FBXO16: variants seen among roughly 807,000 people sequenced by gnomAD.
The protein encoded by FBXO16 is F-box protein 16, also known as F-box only protein 16.
Under a neutral mutation model 41.0 loss-of-function variants are expected in FBXO16, and 31 were observed. The ratio of observed to expected loss-of-function variants is 0.76; its 90% confidence interval spans 0.57 to 1.02. The LOEUF (loss-of-function observed/expected upper bound fraction) is 1.02, where lower values mean the gene tolerates loss of function less well. Ranked by LOEUF, FBXO16 falls within the 50% of genes least tolerant of loss-of-function variation. FBXO16 has a pLI of 0.00. For missense variants in FBXO16, 361 were observed against 346.2 expected, an observed-to-expected ratio of 1.04 and a Z score of -0.34; for synonymous variants, 133 against 117.8, an observed-to-expected ratio of 1.13 and a Z score of -0.84.
intron 3 of FBXO16, among the ~76,000 whole-genome samples, chr8:28,471,313 C>T (rs975614342): frequency 7.2e-5 from 11 of 152,114 alleles, no homozygotes; most frequent in Non-Finnish European, 1.6e-4. Context: ...GATTTCACTT[C>T]TAATACTAGA....
At chr8:28,463,928 T>C (rs113773084) in intron 3 of FBXO16, 110 bp from the exon 4 acceptor site, 3 of 1,017,922 alleles carry the variant, frequency 2.9e-6, no homozygotes, top group African/African-American at 3.2e-5. Flanking sequence ...TAGTAATTTA[T>C]TTCTAGTATT....
At chr8:28,447,564 G>C in intron 6 of FBXO16, 1 of 346,698 alleles carries the variant, frequency 2.9e-6, no homozygotes, top group South Asian at 3.3e-5. Flanking sequence ...TGGATGAGAC[G>C]GTATGTACTG....
chr8:28,475,712 C>G (rs1052871337), intron 2 of FBXO16, among the ~76,000 whole-genome samples: 1 of 152,078 alleles, frequency 6.6e-6, no homozygotes, highest in Non-Finnish European at 1.5e-5. Flanking sequence ...TTTATCTTCC[C>G]AAGTAGATTA....
chr8:28,486,739 C>T (rs1803609636), intron 1 of FBXO16, among the ~76,000 whole-genome samples: 1 of 151,908 alleles, frequency 6.6e-6, no homozygotes, highest in Admixed American at 6.6e-5. Context: ...GGGCAGAGGG[C>T]TGAGGTGGGA....
intron 1 of FBXO16, among the ~76,000 whole-genome samples, chr8:28,489,718 A>C (rs761424932): frequency 0.034 from 5,160 of 150,938 alleles, 148 homozygotes; most frequent in South Asian, 0.057. Context: ...AAAACCAACA[A>C]AAAAAAAAAA....
intron 5 of FBXO16, 53 bp from the exon 6 acceptor site, chr8:28,452,529 G>T (rs1042924742): frequency 1.9e-6 from 3 of 1,555,600 alleles, no homozygotes; most frequent in Non-Finnish European, 2.6e-6. Flanking sequence ...CGCTGGGTGC[G>T]GTGGCTCACG....
chr8:28,478,055 C>A (rs1367339253), intron 2 of FBXO16, among the ~76,000 whole-genome samples: 1 of 152,108 alleles, frequency 6.6e-6, no homozygotes, highest in African/African-American at 2.4e-5. Context: ...TACACAAATT[C>A]TATGTGTGTG....
At chr8:28,460,272 A>G (rs1318195350) in intron 4 of FBXO16, among the ~76,000 whole-genome samples, 1 of 119,198 alleles carries the variant, frequency 8.4e-6, no homozygotes, top group Non-Finnish European at 1.7e-5. Context: ...TTTTTGAGAC[A>G]AAGTCTCACC....
intron 7 of FBXO16, among the ~76,000 whole-genome samples, chr8:28,434,162 C>T (rs900876914): frequency 9.2e-5 from 14 of 152,008 alleles, no homozygotes; most frequent in African/African-American, 3.1e-4. Context: ...GGTTTCACCA[C>T]GTTGGCCAGG....
chr8:28,448,255 C>T (rs573982931), intron 6 of FBXO16, among the ~76,000 whole-genome samples: 20 of 149,284 alleles, frequency 1.3e-4, no homozygotes, highest in African/African-American at 3.7e-4. Flanking sequence ...GTGGGAGGAT[C>T]GCTTGAGCCC....
rs374775114 is a variant in FBXO16 at position 28,429,430 on chromosome 8, A to T, written c.844-27T>A. ...TGGCCGCGAGCAGGAAAGGGAAGAG[A>T]ATGGAGAGAGGAAAAGAAAGAAATA... On this transcript the variant is annotated intron_variant, in intron 7 of 8. Coordinates refer to ENST00000380254, the MANE Select transcript of FBXO16 (RefSeq NM_172366.4). 8 of 1,613,546 alleles carry T rather than the reference A, an allele frequency of 5.0e-6. No homozygotes were observed. The East Asian group carries it at 1.8e-4, about 36-fold the overall frequency.
At chr8:28,432,646 T>C (rs936610422) in intron 7 of FBXO16, among the ~76,000 whole-genome samples, 2 of 152,334 alleles carry the variant, frequency 1.3e-5, no homozygotes, top group East Asian at 1.9e-4. Context: ...CCAACATGAA[T>C]GACCCTTTAC....
chr8:28,447,067 C>T, intron 7 of FBXO16, 104 bp downstream of exon 7: 1 of 1,074,914 alleles, frequency 9.3e-7, no homozygotes, highest in East Asian at 2.4e-5. Flanking sequence ...ATCACCACTC[C>T]ATGATTCTGA....
chr8:28,451,366 G>A (rs1490848777), intron 6 of FBXO16, among the ~76,000 whole-genome samples: 1 of 147,156 alleles, frequency 6.8e-6, no homozygotes, highest in East Asian at 2.0e-4. Context: ...CTCTCTTTCT[G>A]TCTCTTTGTT....
chr8:28,466,263 A>G (rs1240216835), intron 3 of FBXO16, among the ~76,000 whole-genome samples: 1 of 152,224 alleles, frequency 6.6e-6, no homozygotes, highest in East Asian at 1.9e-4. Flanking sequence ...AAAAAACAGT[A>G]GAATAACAGT....
chr8:28,481,306 A>G (rs1420426233), intron 2 of FBXO16, among the ~76,000 whole-genome samples: 1 of 152,168 alleles, frequency 6.6e-6, no homozygotes, highest in African/African-American at 2.4e-5. Flanking sequence ...GGGTGACTGC[A>G]GTGTACTAGA....
chr8:28,460,245 A>ACATATTT (rs1803108041), intron 4 of FBXO16, among the ~76,000 whole-genome samples: 1 of 85,484 alleles, frequency 1.2e-5, no homozygotes, highest in African/African-American at 6.3e-5. Flanking sequence ...ATATATATAT[A>ACATATTT]TTTTTTTTTT....
intron 7 of FBXO16, among the ~76,000 whole-genome samples, chr8:28,441,322 T>C (rs1802769930): frequency 6.6e-6 from 1 of 152,186 alleles, no homozygotes; most frequent in African/African-American, 2.4e-5. Flanking sequence ...TCTGAAGTCC[T>C]AGAGTCTGCT....
chr8:28,444,565 C>T (rs536571637), intron 7 of FBXO16, among the ~76,000 whole-genome samples: 6 of 150,332 alleles, frequency 4.0e-5, no homozygotes, highest in South Asian at 2.1e-4. Context: ...CTGCAGCCTC[C>T]GCCCTGGGTT....
Sources: allele counts gnomAD v4.1 joint callset (sites outside exome capture counted in the v4.1 genomes callset), GRCh38; gene constraint gnomAD v4.1.1; transcripts MANE v1.5; gene names NCBI Gene and HGNC (gene_info 2026-07-23, HGNC 2026-07-21).